Variants in CHD6 observed in about 807,000 individuals in gnomAD.
CHD6 encodes the protein chromodomain helicase DNA binding protein 6.
In CHD6, 50 loss-of-function variants were observed where a neutral mutation model predicts 276.9. The ratio of observed to expected loss-of-function variants is 0.18; its 90% CI spans 0.14 to 0.23. The LOEUF (loss-of-function observed/expected upper bound fraction) is 0.23. CHD6 is among the 10% of genes least tolerant of loss of function. The probability of loss-of-function intolerance (pLI) is 1.00; values close to 1 mark genes in which losing one functional copy is unlikely to be tolerated. For missense variants in CHD6, 2,564 were observed against 3,365.8 expected (o/e 0.76, Z 5.89); for synonymous variants, 1,173 against 1,229.3 (o/e 0.95, Z 0.96).
chr20:41,589,511 T>A (rs2045632867), intron 1 of CHD6, among the ~76,000 whole-genome samples: 1 of 152,328 alleles, frequency 6.6e-6, no homozygotes, highest in African/African-American at 2.4e-5. Context: ...ATAAGCAACT[T>A]CAGCAAAGTC....
chr20:41,556,112 C>A (rs527590940), intron 1 of CHD6, among the ~76,000 whole-genome samples: 57 of 151,974 alleles, frequency 3.8e-4, no homozygotes, highest in African/African-American at 1.4e-3. Context: ...ACCAGTCAGG[C>A]GTGGCGGCGC....
At chr20:41,483,769 A>C (rs1243966823) in intron 15 of CHD6, among the ~76,000 whole-genome samples, 1 of 152,148 alleles carries the variant, frequency 6.6e-6, no homozygotes, top group Non-Finnish European at 1.5e-5. Flanking sequence ...TGAGATACCA[A>C]GTCCTAAGCT....
intron 27 of CHD6, among the ~76,000 whole-genome samples, chr20:41,427,318 G>A (rs1332266352): frequency 1.3e-5 from 2 of 152,050 alleles, no homozygotes; most frequent in African/African-American, 4.8e-5. Context: ...TTTTCTGAAT[G>A]AATTTCTCTC....
At chr20:41,525,093 C>G (rs969880025) in intron 3 of CHD6, among the ~76,000 whole-genome samples, 1 of 152,162 alleles carries the variant, frequency 6.6e-6, no homozygotes, top group Admixed American at 6.5e-5. Flanking sequence ...AAACTGCTTT[C>G]TCTACAAGCC....
intron 2 of CHD6, among the ~76,000 whole-genome samples, chr20:41,538,630 T>C (rs943470061): frequency 6.6e-6 from 1 of 152,246 alleles, no homozygotes; most frequent in Non-Finnish European, 1.5e-5. Context: ...GATTTTATAG[T>C]ATGTAAATTA....
chr20:41,497,318 C>T (rs148044123), intron 8 of CHD6, 66 bp downstream of exon 8: 7 of 1,022,354 alleles, frequency 6.8e-6, no homozygotes, highest in African/African-American at 3.1e-5. Context: ...GACTTAGAAA[C>T]GTAAACACAG....
At chr20:41,507,964 GC>G (rs1057167958) in intron 5 of CHD6, among the ~76,000 whole-genome samples, 3 of 152,114 alleles carry the variant, frequency 2.0e-5, no homozygotes, top group African/African-American at 7.2e-5. Flanking sequence ...CAAGCTTGAT[GC>G]CCAGTTTCAA....
chr20:41,606,513 C>CA (rs2045830602), intron 1 of CHD6, among the ~76,000 whole-genome samples: 1 of 150,496 alleles, frequency 6.6e-6, no homozygotes, highest in Non-Finnish European at 1.5e-5. Flanking sequence ...GACTCTGTCT[C>CA]AAAAAAACAA....
At position 41,445,634 on chromosome 20, in the gene CHD6, C is replaced by A. The variant is rs1384522739; in HGVS notation, c.3877+31G>T. On this transcript the variant is annotated intron_variant, in intron 25 of 36. Coordinates refer to ENST00000373233, the MANE Select transcript of CHD6 (RefSeq NM_032221.5). The stretch of plus-strand genomic sequence containing the variant: ...TCATCCTTCCTGGGGGAAACTGATA[C>A]AGAAGGGAACGCCTTCAGAGAAATA... 3 of 1,463,306 alleles carry A rather than the reference C, an allele frequency of 2.1e-6. No homozygotes were observed. In the South Asian group the frequency reaches 3.4e-5, roughly 17 times the overall value. 90.6% of individuals were successfully genotyped at this position (1,463,306 alleles called of 1,614,324 possible). A position where few individuals can be genotyped will look rare whatever the true frequency, so the allele number is the denominator to read the frequency against.
chr20:41,501,440 A>G (rs571480360), intron 5 of CHD6, among the ~76,000 whole-genome samples: 1 of 152,334 alleles, frequency 6.6e-6, no homozygotes, highest in African/African-American at 2.4e-5. Context: ...TCAGACTTCT[A>G]CCACCGTAGA....
chr20:41,585,241 C>T (rs755641917), intron 1 of CHD6, among the ~76,000 whole-genome samples: 16 of 152,162 alleles, frequency 1.1e-4, no homozygotes, highest in Non-Finnish European at 1.9e-4. Context: ...TGGTGGCTCA[C>T]GCCTGTAATC....
chr20:41,603,384 T>C lies in CHD6; in HGVS notation c.-24+14956A>G, dbSNP rs772594960. 1.1e-4 allele frequency among the ~76,000 whole-genome samples: 17 copies of C among 152,110 alleles called. 1 individual carries two copies. Among genetic ancestry groups the C allele is most frequent in the Admixed American group, 2.0e-4 (3 of 15,272 alleles). On this transcript the variant is annotated intron_variant, in intron 1 of 36. Coordinates refer to ENST00000373233, the MANE Select transcript of CHD6 (RefSeq NM_032221.5). ...AACCTTTGAATTAACAATGCAAACA[T>C]ATACACGTGTGTGTACTAGGCACAA...
intron 3 of CHD6, among the ~76,000 whole-genome samples, chr20:41,516,646 C>T (rs543423345): frequency 1.3e-5 from 2 of 152,214 alleles, no homozygotes; most frequent in East Asian, 1.9e-4. Context: ...GTTTTGGATA[C>T]ATTTAGTAAA....
intron 1 of CHD6, among the ~76,000 whole-genome samples, chr20:41,586,251 C>T (rs902624469): frequency 3.3e-5 from 5 of 152,208 alleles, no homozygotes; most frequent in African/African-American, 9.7e-5. Context: ...CTGTCAACTA[C>T]TGCTGAACGC....
chr20:41,555,338 C>T (rs375196336), intron 1 of CHD6, among the ~76,000 whole-genome samples: 41,199 of 126,832 alleles, frequency 0.32, 7,365 homozygotes, highest in African/African-American at 0.57. Flanking sequence ...ACCTCCCGGA[C>T]GGGGCGGCCG....
Position 41,436,714 on chromosome 20 carries a change from T to C in CHD6, c.4068+560A>G, listed in dbSNP as rs138855376. Among the ~76,000 whole-genome samples, 418 of 152,198 alleles carry C rather than the reference T, an allele frequency of 2.7e-3. 2 individuals are homozygous for C. The highest frequency in any genetic ancestry group is 0.024 in the Middle Eastern group (7 of 294). ...TGAACTGTTGATACAGACAACCACC[T>C]AGATGAATCCCAGGGAACTTTTCTG... On this transcript the variant is annotated intron_variant, in intron 27 of 36. Coordinates refer to ENST00000373233, the MANE Select transcript of CHD6 (RefSeq NM_032221.5).
At chr20:41,435,188 C>T (rs2047668037) in intron 27 of CHD6, among the ~76,000 whole-genome samples, 1 of 152,024 alleles carries the variant, frequency 6.6e-6, no homozygotes, top group African/African-American at 2.4e-5. Context: ...AAATACAACA[C>T]AAAATTAATG....
chr20:41,586,667 G>A (rs541895744), intron 1 of CHD6, among the ~76,000 whole-genome samples: 1 of 152,310 alleles, frequency 6.6e-6, no homozygotes, highest in South Asian at 2.1e-4. Flanking sequence ...AGGAATGCAA[G>A]AGTGAGTCAA....
chr20:41,440,000 C>G lies in CHD6; in HGVS notation c.4007G>C (p.Arg1336Thr). Residue 1336 changes from arginine (R) to threonine (T), a missense_variant and splice_region_variant, in exon 26 of 37, where the codon AGA (arginine) becomes ACA (threonine). Transcript: ENST00000373233. The part of the protein sequence containing the change: ...VTDGTSDIPE[R>T]GNTDKEDNAE... ...AGGGCTGGCCTACGTGGCTTCTCACCTTTCAGGAATGTCTGAGGTCCCATC... is the reference window on the plus strand; with the variant it reads ...AGGGCTGGCCTACGTGGCTTCTCACGTTTCAGGAATGTCTGAGGTCCCATC... The G allele has an allele frequency of 6.2e-7, 1 of 1,613,900 alleles. No homozygotes were observed. The highest frequency in any genetic ancestry group is 8.5e-7 in the Non-Finnish European group (1 of 1,179,902).
Sources: allele counts gnomAD v4.1 joint callset (sites outside exome capture counted in the v4.1 genomes callset), GRCh38; gene constraint gnomAD v4.1.1; transcripts MANE v1.5; gene names NCBI Gene and HGNC (gene_info 2026-07-23, HGNC 2026-07-21).